The following ZNF385D variants were observed in gnomAD, a reference collection of about 807,000 sequenced individuals.
ZNF385D encodes zinc finger protein 659.
A neutral mutation model predicts 35.8 loss-of-function variants in ZNF385D; 15 were observed. That is an observed-to-expected ratio of 0.42 (90% CI 0.28 to 0.64). The LOEUF (loss-of-function observed/expected upper bound fraction) is 0.64, where lower values mean the gene tolerates loss of function less well. ZNF385D is among the 30% of genes least tolerant of loss of function. The probability of loss-of-function intolerance (pLI) is 0.23; values close to 1 mark genes in which losing one functional copy is unlikely to be tolerated. For synonymous variants in ZNF385D, 212 were observed against 186.8 expected, an observed-to-expected ratio of 1.13 and a Z score of -1.10; for missense variants, 474 against 494.6, an observed-to-expected ratio of 0.96 and a Z score of 0.39.
At chr3:22,072,841 G>A (rs977893015) in intron 3 of ZNF385D, among the ~76,000 whole-genome samples, 3 of 152,034 alleles carry the variant, frequency 2.0e-5, no homozygotes, top group African/African-American at 7.2e-5. Flanking sequence ...TGGATTCTTA[G>A]TGTCCTAGAA....
At chr3:21,829,918 G>A (rs963198950) in intron 3 of ZNF385D, among the ~76,000 whole-genome samples, 3 of 152,164 alleles carry the variant, frequency 2.0e-5, no homozygotes, top group East Asian at 2.0e-4. Context: ...GAAGTCAGGA[G>A]TTCAAGAGCG....
intron 3 of ZNF385D, among the ~76,000 whole-genome samples, chr3:21,814,509 A>G (rs1559649577): frequency 1.3e-5 from 2 of 152,184 alleles, no homozygotes; most frequent in African/African-American, 2.4e-5. Flanking sequence ...CAAATGGAAA[A>G]CAAAAAAAGC....
chr3:21,719,351 C>T (rs1406798914), intron 1 of ZNF385D, among the ~76,000 whole-genome samples: 1 of 152,170 alleles, frequency 6.6e-6, no homozygotes, highest in Admixed American at 6.5e-5. Flanking sequence ...AATAAGTAGT[C>T]AAGGAACTGA....
intron 3 of ZNF385D, among the ~76,000 whole-genome samples, chr3:21,825,643 G>C (rs532732528): frequency 6.6e-6 from 1 of 152,256 alleles, no homozygotes; most frequent in Admixed American, 6.5e-5. Flanking sequence ...TTTTCACACG[G>C]CAATGTTTAA....
At chr3:22,311,871 C>A (rs1703572765) in intron 2 of ZNF385D, among the ~76,000 whole-genome samples, 2 of 152,084 alleles carry the variant, frequency 1.3e-5, no homozygotes, top group Admixed American at 6.6e-5. Context: ...TACTGCTATA[C>A]ACCTACAATT....
intron 2 of ZNF385D, among the ~76,000 whole-genome samples, chr3:22,308,426 A>T (rs1017424480): frequency 2.0e-5 from 3 of 152,102 alleles, no homozygotes; most frequent in Non-Finnish European, 4.4e-5. Flanking sequence ...AGAACAATAA[A>T]ACCTGCCTTT....
At chr3:21,490,807 G>A (rs537738179) in intron 4 of ZNF385D, among the ~76,000 whole-genome samples, 215 of 142,174 alleles carry the variant, frequency 1.5e-3, no homozygotes, top group African/African-American at 4.5e-3. Flanking sequence ...AAATTAATGC[G>A]TACAGTGATA....
chr3:21,715,932 G>T (rs548238226), intron 1 of ZNF385D, among the ~76,000 whole-genome samples: 3 of 152,056 alleles, frequency 2.0e-5, no homozygotes, highest in Non-Finnish European at 2.9e-5. Flanking sequence ...CCAAACTCCA[G>T]CTATTCACCC....
intron 1 of ZNF385D, among the ~76,000 whole-genome samples, chr3:21,695,225 G>GC (rs537558085): frequency 4.0e-4 from 61 of 152,314 alleles, no homozygotes; most frequent in Non-Finnish European, 8.2e-4. Context: ...CACAAGAAGG[G>GC]CAGTGTAATG....
intron 2 of ZNF385D, among the ~76,000 whole-genome samples, chr3:21,584,473 C>CTT (rs966200771): frequency 5.4e-4 from 82 of 152,190 alleles, no homozygotes; most frequent in African/African-American, 2.0e-3. Flanking sequence ...CTTTTTTACA[C>CTT]TTGATCTTAG....
chr3:21,936,198 C>T (rs1262432790), intron 3 of ZNF385D, among the ~76,000 whole-genome samples: 1 of 152,092 alleles, frequency 6.6e-6, no homozygotes, highest in Admixed American at 6.6e-5. Flanking sequence ...TAGTTTTATT[C>T]ACATCACCAG....
intron 3 of ZNF385D, among the ~76,000 whole-genome samples, chr3:22,069,964 G>T (rs1362103307): frequency 6.6e-6 from 1 of 152,196 alleles, no homozygotes; most frequent in Non-Finnish European, 1.5e-5. Flanking sequence ...AAGAAAGCAA[G>T]CTAAGGCAAA....
chr3:22,320,357 A>G (rs930334809), intron 2 of ZNF385D, among the ~76,000 whole-genome samples: 2 of 152,074 alleles, frequency 1.3e-5, no homozygotes, highest in African/African-American at 4.8e-5. Context: ...GTCATTATGA[A>G]TGCAATTAAT....
chr3:21,941,309 A>T (rs1332822178), intron 3 of ZNF385D, among the ~76,000 whole-genome samples: 1 of 149,068 alleles, frequency 6.7e-6, no homozygotes, highest in African/African-American at 2.4e-5. Context: ...ACATTCTCTG[A>T]CAAAAATATT....
At chr3:21,761,843 ATT>A (rs2070624182) in intron 3 of ZNF385D, among the ~76,000 whole-genome samples, 1 of 148,508 alleles carries the variant, frequency 6.7e-6, no homozygotes, top group Non-Finnish European at 1.5e-5. Flanking sequence ...ATGGCTTAAA[ATT>A]ATGATTTCAA....
chr3:21,974,741 A>G (rs1353351383), intron 3 of ZNF385D, among the ~76,000 whole-genome samples: 2 of 152,072 alleles, frequency 1.3e-5, no homozygotes, highest in Non-Finnish European at 2.9e-5. Flanking sequence ...AAACCAATCC[A>G]ATTTAAAATG....
chr3:21,968,813 A>C (rs1703063003), intron 3 of ZNF385D, among the ~76,000 whole-genome samples: 5 of 152,182 alleles, frequency 3.3e-5, no homozygotes, highest in Admixed American at 3.3e-4. Flanking sequence ...AGCTAAAGGG[A>C]GAGACTCCTT....
chr3:21,570,069 T>TA (rs976995831), intron 2 of ZNF385D, among the ~76,000 whole-genome samples: 1 of 149,880 alleles, frequency 6.7e-6, no homozygotes, highest in African/African-American at 2.4e-5. Context: ...ATAATAATAA[T>TA]AAAAAAAATT....
intron 3 of ZNF385D, among the ~76,000 whole-genome samples, chr3:21,789,581 A>C (rs2071840383): frequency 6.6e-6 from 1 of 152,226 alleles, no homozygotes; most frequent in South Asian, 2.1e-4. Context: ...AAAAACCTTA[A>C]TAGATTCCTT....
Sources: allele counts gnomAD v4.1 joint callset (sites outside exome capture counted in the v4.1 genomes callset), GRCh38; gene constraint gnomAD v4.1.1; transcripts MANE v1.5; gene names NCBI Gene and HGNC (gene_info 2026-07-23, HGNC 2026-07-21).